The following KLC1 variants were observed in gnomAD, a reference collection of about 807,000 sequenced individuals.
KLC1 encodes the protein kinesin light chain 1.
Under a neutral mutation model 84.2 loss-of-function variants are expected in KLC1, and 30 were observed. That is an observed-to-expected ratio of 0.36 (90% CI 0.27 to 0.48). KLC1 has a LOEUF of 0.48. KLC1 is among the 20% of genes least tolerant of loss of function. KLC1 has a pLI of 0.99. For synonymous variants in KLC1, 289 were observed against 293.3 expected (o/e 0.99, Z 0.15); for missense variants, 499 against 805.4 (o/e 0.62, Z 4.60).
chr14:103,681,866 A>G (rs2081367526), intron 13 of KLC1, among the ~76,000 whole-genome samples: 2 of 152,248 alleles, frequency 1.3e-5, no homozygotes, highest in African/African-American at 4.8e-5. Flanking sequence ...TGTCTGATTT[A>G]AATATTAACA....
chr14:103,689,191 GT>G (rs1426393748), intron 14 of KLC1, among the ~76,000 whole-genome samples: 4 of 152,166 alleles, frequency 2.6e-5, no homozygotes, highest in Non-Finnish European at 5.9e-5. Flanking sequence ...CACACTGATT[GT>G]TTGAGGTTCT....
At chr14:103,657,949 A>G (rs1389264267) in intron 3 of KLC1, among the ~76,000 whole-genome samples, 173 bp downstream of exon 3, 2 of 152,246 alleles carry the variant, frequency 1.3e-5, no homozygotes, top group Non-Finnish European at 2.9e-5. Flanking sequence ...ATTACCTTCA[A>G]CAAGGTCTGC....
At chr14:103,631,528 T>G (rs1294649447) in intron 1 of KLC1, among the ~76,000 whole-genome samples, 1 of 152,214 alleles carries the variant, frequency 6.6e-6, no homozygotes, top group Admixed American at 6.5e-5. Context: ...AATCAAAAGT[T>G]GAGTGAAATG....
intron 1 of KLC1, among the ~76,000 whole-genome samples, chr14:103,634,313 A>G (rs1352443810): frequency 1.3e-5 from 2 of 152,114 alleles, no homozygotes; most frequent in Non-Finnish European, 2.9e-5. Context: ...ATGTTTGTTG[A>G]AGGAATGCAT....
chr14:103,691,986 T>G (rs149414438), intron 14 of KLC1, among the ~76,000 whole-genome samples: 1 of 152,268 alleles, frequency 6.6e-6, no homozygotes, highest in Non-Finnish European at 1.5e-5. Flanking sequence ...CCCGGGATGG[T>G]CTTGAACTCC....
chr14:103,701,189 C>T lies in KLC1; in HGVS notation c.*2-12C>T. The T allele has an allele frequency of 6.4e-7, 1 of 1,550,878 alleles. No homozygotes were observed. Among genetic ancestry groups the T allele is most frequent in the African/African-American group, 1.4e-5 (1 of 73,176 alleles). ...TGGCGGCCCAGCCCTGACCTTCTAT[C>T]TTCTCTTGCAGTGACCCCGACCTGG... On this transcript the variant is annotated splice_polypyrimidine_tract_variant and intron_variant, in intron 16 of 16. Transcript: ENST00000334553.
At chr14:103,657,145 T>C (rs909857751) in intron 2 of KLC1, among the ~76,000 whole-genome samples, 1 of 152,220 alleles carries the variant, frequency 6.6e-6, no homozygotes, top group East Asian at 1.9e-4. Flanking sequence ...TTCACCAACA[T>C]GCACTCTGTG....
In KLC1 at chr14:103,693,641, TGTCTTGGGAGTGTGAGACC is replaced by T. The variant is rs746546426; in HGVS notation, c.1848+1218_1848+1236del. On this transcript the variant is annotated intron_variant, in intron 15 of 16. Coordinates refer to ENST00000334553, the MANE Select transcript of KLC1 (RefSeq NM_001394837.1). The surrounding 1 kb of genome is among the most constrained non-coding windows in gnomAD (Gnocchi z 5.1). Reference sequence around the variant, plus strand: ...TGAGAGCCAGCAGGGCTAGGTAACCTGTCTTGGGAGTGTGAGACCGCCCCGCCCTGCCACGCCCCTCACC... The same window carrying T: ...TGAGAGCCAGCAGGGCTAGGTAACCTGCCCCGCCCTGCCACGCCCCTCACC... 43 of 1,535,332 alleles carry T rather than the reference TGTCTTGGGAGTGTGAGACC, an allele frequency of 2.8e-5. No homozygotes were observed. Among genetic ancestry groups the T allele is most frequent in the Non-Finnish European group, 3.7e-5 (43 of 1,146,750 alleles).
chr14:103,640,930 AT>A (rs956048663), intron 1 of KLC1, among the ~76,000 whole-genome samples: 55 of 148,800 alleles, frequency 3.7e-4, no homozygotes, highest in African/African-American at 7.4e-4. Flanking sequence ...TATTACTATT[AT>A]TTTTTTTTTC....
At chr14:103,675,839 C>G in intron 11 of KLC1, 83 bp downstream of exon 11, 1 of 1,129,360 alleles carries the variant, frequency 8.9e-7, no homozygotes, top group Middle Eastern at 2.0e-4. Context: ...TTATAAATGA[C>G]CAATGTGTAG....
intron 1 of KLC1, among the ~76,000 whole-genome samples, chr14:103,634,829 C>T (rs568314057): frequency 6.6e-6 from 1 of 152,218 alleles, no homozygotes; most frequent in South Asian, 2.1e-4. Context: ...CATCTGCCTG[C>T]CGTGGCCTCC....
At chr14:103,700,116 GC>G in intron 15 of KLC1, 1 of 208,640 alleles carries the variant, frequency 4.8e-6, no homozygotes, top group Non-Finnish European at 9.8e-6. Flanking sequence ...GTCAGGCCTG[GC>G]CTGCCTCTGC....
At chr14:103,667,700 T>G (rs1953789758) in intron 5 of KLC1, among the ~76,000 whole-genome samples, 1 of 152,202 alleles carries the variant, frequency 6.6e-6, no homozygotes, top group African/African-American at 2.4e-5. Flanking sequence ...CAGCTTACAA[T>G]AGGATGTAAT....
At chr14:103,656,415 T>C (rs1404528131) in intron 2 of KLC1, among the ~76,000 whole-genome samples, 1 of 152,264 alleles carries the variant, frequency 6.6e-6, no homozygotes, top group Non-Finnish European at 1.5e-5. Flanking sequence ...ATCTAGGTTT[T>C]TAAATACTCT....
Position 103,701,191 on chromosome 14 carries a change from T to G in KLC1, c.*2-10T>G. On this transcript the variant is annotated splice_polypyrimidine_tract_variant and intron_variant, in intron 16 of 16. Coordinates refer to ENST00000334553, the MANE Select transcript of KLC1 (RefSeq NM_001394837.1). ...GCGGCCCAGCCCTGACCTTCTATCT[T>G]CTCTTGCAGTGACCCCGACCTGGCC... is the stretch of plus-strand genomic sequence containing the variant. 2 of 1,550,618 alleles carry G rather than the reference T, an allele frequency of 1.3e-6. No individual in the cohort carries two copies. The highest frequency in any genetic ancestry group is 2.4e-5 in the South Asian group (2 of 83,990).
At chr14:103,688,075 G>A (rs2081892280) in intron 14 of KLC1, 1 of 152,250 alleles carries the variant, frequency 6.6e-6, no homozygotes, top group South Asian at 2.1e-4. Flanking sequence ...TCAGGATGGT[G>A]AAACCGAGTT....
At chr14:103,681,077 C>T (rs1356650321) in intron 13 of KLC1, among the ~76,000 whole-genome samples, 1 of 152,190 alleles carries the variant, frequency 6.6e-6, no homozygotes, top group Non-Finnish European at 1.5e-5. Flanking sequence ...CTCTGCACGC[C>T]TGCTGGTTTC....
intron 16 of KLC1, among the ~76,000 whole-genome samples, 177 bp from the exon 17 acceptor site, chr14:103,701,024 C>A (rs2083151325): frequency 6.6e-6 from 1 of 152,236 alleles, no homozygotes; most frequent in Admixed American, 6.5e-5. Flanking sequence ...GAGCAGAGAC[C>A]AAAGACGCAC....
chr14:103,699,311 G>T (rs1008315699), intron 15 of KLC1: 14 of 1,552,066 alleles, frequency 9.0e-6, no homozygotes, highest in Non-Finnish European at 1.1e-5. Flanking sequence ...CTCTGCTTCC[G>T]CATCCTGGCT....
Sources: gnomAD v4.1 joint callset for allele counts (sites outside exome capture counted in the v4.1 genomes callset) on GRCh38, gnomAD v4.1.1 for gene constraint, Gnocchi (gnomAD v3.1) non-coding constraint, MANE v1.5 for transcripts, NCBI Gene and HGNC (gene_info 2026-07-23, HGNC 2026-07-21) for gene names.